Variants in LRRIQ1 observed in about 807,000 individuals in gnomAD.
LRRIQ1 encodes leucine rich repeats and IQ motif containing 1, also known as leucine-rich repeat- and IQ domain-containing protein 1.
LRRIQ1 carries 210 observed loss-of-function variants against 211.9 expected under a neutral mutation model. That is an observed-to-expected ratio of 0.99 (90% CI 0.89 to 1.11). The LOEUF (loss-of-function observed/expected upper bound fraction) is 1.11. LRRIQ1 is among the 50% of genes most tolerant of loss of function. The probability of loss-of-function intolerance (pLI) is 0.00; values close to 1 mark genes in which losing one functional copy is unlikely to be tolerated. For synonymous variants in LRRIQ1, 699 were observed against 650.1 expected (o/e 1.08, Z -1.14); for missense variants, 2,136 against 1,939.5 (o/e 1.10, Z -1.90).
Position 85,038,315 on chromosome 12 carries a change from A to G in LRRIQ1, c.132+7A>G, listed in dbSNP as rs1159860908. The stretch of plus-strand genomic sequence containing the variant: ...GAGTGATGATAGTGATACAGTGAGT[A>G]TTGCACTTTTGAGCCTTTTAACAGG... On this transcript the variant is annotated splice_region_variant and intron_variant, in intron 2 of 26. Coordinates refer to ENST00000393217, the MANE Select transcript of LRRIQ1 (RefSeq NM_001079910.2). 1 of 1,501,068 alleles carries G rather than the reference A, an allele frequency of 6.7e-7. No individual in the cohort carries two copies. The highest frequency in any genetic ancestry group is 8.9e-7 in the Non-Finnish European group (1 of 1,120,042). The allele number at this position is 1,501,068 out of a possible 1,614,324, so 93.0% of individuals were successfully genotyped here. A position where few individuals can be genotyped will look rare whatever the true frequency, so the allele number is the denominator to read the frequency against.
chr12:85,036,740 CTT>C (rs778125378), intron 1 of LRRIQ1, among the ~76,000 whole-genome samples: 5 of 143,248 alleles, frequency 3.5e-5, no homozygotes, highest in Admixed American at 7.3e-5. Flanking sequence ...TTCTGTCTCT[CTT>C]TCTTTCTTTT....
At chr12:85,163,205 C>T (rs1354293683) in intron 24 of LRRIQ1, among the ~76,000 whole-genome samples, 3 of 152,110 alleles carry the variant, frequency 2.0e-5, no homozygotes, top group Non-Finnish European at 4.4e-5. Flanking sequence ...TTATAAAATG[C>T]ACCTCTTTTA....
At chr12:85,040,984 T>C (rs545677461) in intron 3 of LRRIQ1, among the ~76,000 whole-genome samples, 87 of 151,806 alleles carry the variant, frequency 5.7e-4, no homozygotes, top group Non-Finnish European at 1.0e-3. Flanking sequence ...TTGCTTGAAT[T>C]GTGCAAATTT....
intron 15 of LRRIQ1, among the ~76,000 whole-genome samples, chr12:85,107,986 G>A (rs947566674): frequency 1.3e-5 from 2 of 151,868 alleles, no homozygotes; most frequent in African/African-American, 4.8e-5. Context: ...TTCCTTATCT[G>A]TTCTTTCCAT....
chr12:85,061,116 C>T (rs530006254), intron 8 of LRRIQ1, among the ~76,000 whole-genome samples: 148 of 151,792 alleles, frequency 9.8e-4, no homozygotes, highest in African/African-American at 3.4e-3. Context: ...TGAGTTTTGC[C>T]ACAGGCTAGG....
chr12:85,041,403 A>G (rs1156503228), intron 3 of LRRIQ1, among the ~76,000 whole-genome samples: 2 of 151,724 alleles, frequency 1.3e-5, no homozygotes, highest in South Asian at 2.1e-4. Flanking sequence ...GATAACTGCT[A>G]TGAAGGAAAA....
intron 9 of LRRIQ1, 76 bp downstream of exon 9, chr12:85,065,490 C>A: frequency 8.3e-7 from 1 of 1,209,150 alleles, no homozygotes; most frequent in Non-Finnish European, 1.1e-6. Flanking sequence ...TCAGAAATGA[C>A]CCTTTTGAAG....
At chr12:85,113,426 A>G (rs1202643185) in intron 15 of LRRIQ1, among the ~76,000 whole-genome samples, 1 of 152,092 alleles carries the variant, frequency 6.6e-6, no homozygotes, top group Non-Finnish European at 1.5e-5. Context: ...AATTTTTAAA[A>G]GGATATAATC....
At chr12:85,137,821 T>C in intron 18 of LRRIQ1, 29 bp from the exon 19 acceptor site, 1 of 1,552,256 alleles carries the variant, frequency 6.4e-7, no homozygotes, top group Non-Finnish European at 8.7e-7. Flanking sequence ...TCTATAACTT[T>C]GTATAACATA....
At chr12:85,100,663 G>A (rs956861240) in intron 13 of LRRIQ1, among the ~76,000 whole-genome samples, 1 of 151,624 alleles carries the variant, frequency 6.6e-6, no homozygotes, top group Non-Finnish European at 1.5e-5. Flanking sequence ...ACTGATACTG[G>A]AATGTATTTC....
intron 24 of LRRIQ1, among the ~76,000 whole-genome samples, chr12:85,199,572 G>A (rs942761384): frequency 3.9e-5 from 6 of 152,150 alleles, no homozygotes; most frequent in Admixed American, 2.6e-4. Context: ...AGAAATACCC[G>A]AGACTGGGTA....
At chr12:85,195,394 T>C (rs1892845474) in intron 24 of LRRIQ1, among the ~76,000 whole-genome samples, 1 of 151,884 alleles carries the variant, frequency 6.6e-6, no homozygotes, top group African/African-American at 2.4e-5. Context: ...TAGACCAATA[T>C]CCTTGATGAA....
intron 11 of LRRIQ1, among the ~76,000 whole-genome samples, chr12:85,091,151 G>A (rs1456163789): frequency 1.3e-5 from 2 of 152,136 alleles, no homozygotes; most frequent in South Asian, 2.1e-4. Context: ...GCTTCCTAAG[G>A]TCTCTCTAGA....
intron 11 of LRRIQ1, among the ~76,000 whole-genome samples, chr12:85,086,582 T>A (rs1397828509): frequency 6.6e-6 from 1 of 151,318 alleles, no homozygotes; most frequent in African/African-American, 2.4e-5. Context: ...TATCTTTTCT[T>A]TATAAATTAC....
chr12:85,250,874 T>TTATATTATATATAATATATATTA (rs1565928784), intron 1 of LRRIQ1, among the ~76,000 whole-genome samples: 1 of 54,972 alleles, frequency 1.8e-5, no homozygotes, highest in Non-Finnish European at 3.2e-5. Context: ...AGATTATATA[T>TTATATTATATATAATATATATTA]TATATTATAT....
intron 15 of LRRIQ1, among the ~76,000 whole-genome samples, chr12:85,117,289 G>A (rs527236858): frequency 2.0e-5 from 3 of 152,270 alleles, no homozygotes; most frequent in African/African-American, 7.2e-5. Flanking sequence ...CTACTCAAAA[G>A]GGTCTCACAG....
intron 24 of LRRIQ1, among the ~76,000 whole-genome samples, chr12:85,175,492 G>A (rs1199180783): frequency 6.6e-6 from 1 of 152,130 alleles, no homozygotes; most frequent in Non-Finnish European, 1.5e-5. Flanking sequence ...GTAATAAAAA[G>A]CAAAGAAGGG....
At chr12:85,197,620 C>G (rs1213662792) in intron 24 of LRRIQ1, among the ~76,000 whole-genome samples, 1 of 151,184 alleles carries the variant, frequency 6.6e-6, no homozygotes, top group East Asian at 1.9e-4. Flanking sequence ...TAGGTGGGAA[C>G]TGAACAATGA....
At chr12:85,199,369 A>G (rs1893179371) in intron 24 of LRRIQ1, among the ~76,000 whole-genome samples, 1 of 152,080 alleles carries the variant, frequency 6.6e-6, no homozygotes, top group African/African-American at 2.4e-5. Flanking sequence ...TGAATAGGGA[A>G]GTCCTTTCCC....
Sources: allele counts gnomAD v4.1 joint callset (sites outside exome capture counted in the v4.1 genomes callset), GRCh38; gene constraint gnomAD v4.1.1; transcripts MANE v1.5; gene names NCBI Gene and HGNC (gene_info 2026-07-23, HGNC 2026-07-21).